Variants in DELE1 observed in about 807,000 individuals in gnomAD.
The protein encoded by DELE1 is death ligand signal enhancer.
A neutral mutation model predicts 59.3 loss-of-function variants in DELE1; 54 were observed. The ratio of observed to expected loss-of-function variants is 0.91; its 90% CI spans 0.73 to 1.14. The LOEUF is 1.14. Ranked by LOEUF, DELE1 falls within the 50% of genes most tolerant of loss-of-function variation. DELE1 has a pLI of 0.00. For synonymous variants in DELE1, 264 were observed against 259.1 expected (o/e 1.02, Z -0.18); for missense variants, 636 against 643.9 (o/e 0.99, Z 0.13).
intron 4 of DELE1, among the ~76,000 whole-genome samples, chr5:141,929,156 A>G (rs756234850): frequency 1.8e-4 from 28 of 152,188 alleles, no homozygotes; most frequent in Non-Finnish European, 8.8e-5. Flanking sequence ...GAAGTGTCAC[A>G]GGAGTTTCAA....
Position 141,940,679 on chromosome 5 carries a change from A to G in DELE1, c.*1920A>G. ...CCTCCTTTTCAGGGCTGCCCTGCAC[A>G]CTGGCTCACCACTGTTGGACCCTGC... On this transcript the variant is annotated 3_prime_UTR_variant, in exon 12 of 12. Transcript: ENST00000432126. 1 of 983,232 alleles carries G rather than the reference A, an allele frequency of 1.0e-6. No homozygotes were observed. The highest frequency in any genetic ancestry group is 1.2e-6 in the Non-Finnish European group (1 of 827,850). The allele number at this position is 983,232 out of a possible 1,614,324, so 60.9% of individuals were successfully genotyped here.
intron 3 of DELE1, 67 bp from the exon 4 acceptor site, chr5:141,928,084 G>A (rs1751563959): frequency 6.5e-7 from 1 of 1,529,690 alleles, no homozygotes; most frequent in Non-Finnish European, 8.8e-7. Context: ...TGATGTTTGA[G>A]AATAAGGCCG....
intron 1 of DELE1, 115 bp from the exon 2 acceptor site, chr5:141,924,466 C>A (rs973061832): frequency 1.1e-5 from 8 of 700,880 alleles, no homozygotes; most frequent in Non-Finnish European, 1.8e-5. Context: ...ACCCTAGAAT[C>A]TGTAGTAGAT....
In DELE1 at chr5:141,940,847, A is replaced by G. The variant is rs982506378; in HGVS notation, c.*2088A>G. ...CTCAGGGTTTTAAGCTGTGCAGTGCACTAAGCTCTCTGCCAAAAAACAAAC... is the reference window on the plus strand; with the variant it reads ...CTCAGGGTTTTAAGCTGTGCAGTGCGCTAAGCTCTCTGCCAAAAAACAAAC... On this transcript the variant is annotated 3_prime_UTR_variant, in exon 12 of 12. Transcript: ENST00000432126. 7.1e-6 allele frequency: 7 copies of G among 985,380 alleles called. No individual in the cohort carries two copies. The highest frequency in any genetic ancestry group is 8.4e-6 in the Non-Finnish European group (7 of 829,968). 61.0% of individuals were successfully genotyped at this position (985,380 alleles called of 1,614,324 possible).
chr5:141,939,943 C>T lies in DELE1; in HGVS notation c.*1184C>T. 1.1e-6 allele frequency: 1 copy of T among 910,084 alleles called. No individual in the cohort carries two copies. Among genetic ancestry groups the T allele is most frequent in the Non-Finnish European group, 1.3e-6 (1 of 761,422 alleles). 56.4% of individuals were successfully genotyped at this position (910,084 alleles called of 1,614,324 possible). ...CGCTGGGCCAGGGTGAGGACCTGGG[C>T]CTCCTGACTCCTGGCCCAGAGTTCT... On this transcript the variant is annotated 3_prime_UTR_variant, in exon 12 of 12. Transcript: ENST00000432126.
rs1186015421 is a variant in DELE1, at chr5:141,941,788, T to C, written c.*3029T>C. On this transcript the variant is annotated 3_prime_UTR_variant, in exon 12 of 12. Transcript: ENST00000432126. ...AATATAGTGTGGGGCACTCAGATGT[T>C]CAGTAAATATACATTCAACAAATAA... is the stretch of plus-strand genomic sequence containing the variant. 7 of 985,246 alleles carry C rather than the reference T, an allele frequency of 7.1e-6. No homozygotes were observed. Among genetic ancestry groups the C allele is most frequent in the Non-Finnish European group, 8.4e-6 (7 of 829,938 alleles). The allele number at this position is 985,246 out of a possible 1,614,324, so 61.0% of individuals were successfully genotyped here. A position where few individuals can be genotyped will look rare whatever the true frequency, so the allele number is the denominator to read the frequency against.
At chr5:141,937,945 C>T (rs1752505291) in intron 11 of DELE1, among the ~76,000 whole-genome samples, 2 of 151,386 alleles carry the variant, frequency 1.3e-5, no homozygotes, top group African/African-American at 2.4e-5. Context: ...CTGCCTCAGC[C>T]TCTCAAGTAG....
At position 141,935,848 on chromosome 5, in the gene DELE1, C is replaced by T. The variant is rs1488384087; in HGVS notation, c.1149+1262C>T. 2.0e-5 allele frequency among the ~76,000 whole-genome samples: 3 copies of T among 152,342 alleles called. No homozygotes were observed. In the East Asian group the frequency reaches 5.8e-4, roughly 29 times the overall value. Reference sequence around the variant, plus strand: ...GACTCAGACCCAACACACTTCCACCCCACAGGGAATTGTGTCTTTCTGGGT... The same window carrying T: ...GACTCAGACCCAACACACTTCCACCTCACAGGGAATTGTGTCTTTCTGGGT... On this transcript the variant is annotated intron_variant, in intron 10 of 11. Transcript: ENST00000432126.
In DELE1 at chr5:141,934,503, T is replaced by G; in HGVS notation, c.1066T>G (p.Phe356Val). The G allele has an allele frequency of 3.7e-6, 6 of 1,614,242 alleles. No individual in the cohort carries two copies. Among genetic ancestry groups the G allele is most frequent in the Non-Finnish European group, 5.1e-6 (6 of 1,180,040 alleles). ...ADSGLREAQA[F>V]LGVLFTKEPY... is the part of the protein sequence containing the mutation. Reference sequence around the variant, plus strand: ...TCCTCCTTGACCACAGGCCCAAGCTTTCCTCGGGGTGCTTTTCACCAAGGA... The same window carrying G: ...TCCTCCTTGACCACAGGCCCAAGCTGTCCTCGGGGTGCTTTTCACCAAGGA... Residue 356 changes from phenylalanine (F) to valine (V), a missense_variant, in exon 10 of 12, where the codon TTC becomes GTC. Coordinates refer to ENST00000432126, the MANE Select transcript of DELE1 (RefSeq NM_014773.5).
intron 3 of DELE1, among the ~76,000 whole-genome samples, chr5:141,926,727 A>G (rs1751454673): frequency 6.6e-6 from 1 of 152,166 alleles, no homozygotes; most frequent in African/African-American, 2.4e-5. Flanking sequence ...CTCTATGGGG[A>G]GCTGTGGACT....
intron 7 of DELE1, among the ~76,000 whole-genome samples, chr5:141,930,484 T>C (rs776190579): frequency 6.6e-6 from 1 of 152,234 alleles, no homozygotes; most frequent in African/African-American, 2.4e-5. Flanking sequence ...AGGCGCAGTT[T>C]GGCAATTCCA....
In DELE1 at chr5:141,941,827, C is replaced by T. The variant is rs1489049217; in HGVS notation, c.*3068C>T. ...TTCAACAAATAAGTGAGTGATTATA[C>T]TCAACTCCCCCCACCCAATGCCCAG... On this transcript the variant is annotated 3_prime_UTR_variant, in exon 12 of 12. Transcript: ENST00000432126. The T allele has an allele frequency of 1.2e-5, 12 of 985,252 alleles. No individual in the cohort carries two copies. Among genetic ancestry groups the T allele is most frequent in the Non-Finnish European group, 2.4e-6 (2 of 829,930 alleles). 61.0% of individuals were successfully genotyped at this position (985,252 alleles called of 1,614,324 possible). A position where few individuals can be genotyped will look rare whatever the true frequency, so the allele number is the denominator to read the frequency against.
intron 4 of DELE1, 72 bp downstream of exon 4, chr5:141,928,370 C>T (rs1751599450): frequency 6.6e-7 from 1 of 1,510,646 alleles, no homozygotes; most frequent in African/African-American, 1.4e-5. Flanking sequence ...TCTCTGGACA[C>T]ACCTCAGGAA....
intron 3 of DELE1, among the ~76,000 whole-genome samples, chr5:141,926,986 C>G (rs896081739): frequency 6.6e-6 from 1 of 152,232 alleles, no homozygotes; most frequent in Non-Finnish European, 1.5e-5. Context: ...GCCCACACGT[C>G]ACCCCCACAG....
In DELE1 at chr5:141,937,356, A is replaced by G; in HGVS notation, c.1308A>G (p.Ala436=). Residue 436 remains alanine (A), a splice_region_variant and synonymous_variant, in exon 11 of 12, where the codon GCA becomes GCG. Coordinates refer to ENST00000432126, the MANE Select transcript of DELE1 (RefSeq NM_014773.5). The part of the protein sequence containing the change: ...RLRALFSMGA[A]APGPSDLTVT... The stretch of plus-strand genomic sequence containing the variant: ...GAGCCCTCTTTTCCATGGGGGCTGC[A>G]GGTACAGACCCAAGTCCAAGCCAAC... 1 of 1,613,904 alleles carries G rather than the reference A, an allele frequency of 6.2e-7. No homozygotes were observed. Among genetic ancestry groups the G allele is most frequent in the African/African-American group, 1.3e-5 (1 of 75,048 alleles).
At chr5:141,931,940 A>G (rs890048095) in intron 7 of DELE1, among the ~76,000 whole-genome samples, 9 of 152,322 alleles carry the variant, frequency 5.9e-5, no homozygotes, top group Admixed American at 1.3e-4. Flanking sequence ...CATAAGCCAT[A>G]ATCATGTTTT....
At chr5:141,925,701 G>A (rs1246160079) in intron 3 of DELE1, among the ~76,000 whole-genome samples, 174 bp downstream of exon 3, 1 of 152,138 alleles carries the variant, frequency 6.6e-6, no homozygotes, top group Non-Finnish European at 1.5e-5. Context: ...CCCCCGCCAT[G>A]TATGTTTTCC....
rs137927996 is a variant in DELE1 at position 141,941,971 on chromosome 5, G to GCA, written c.*3226_*3227dup. ...TCGCCGCCTATACACACGCACACAC[G>GCA]CACACACACACACACGGTTTCCTGT... On this transcript the variant is annotated 3_prime_UTR_variant, in exon 12 of 12. Coordinates refer to ENST00000432126, the MANE Select transcript of DELE1 (RefSeq NM_014773.5). The GCA allele has an allele frequency of 3.4e-3, 3,203 of 948,066 alleles. 61 individuals carry two copies. The African/African-American group carries it at 0.055, about 16-fold the overall frequency. The allele number at this position is 948,066 out of a possible 1,614,324, so 58.7% of individuals were successfully genotyped here.
rs1198687003 is a variant in DELE1, at chr5:141,923,878, G to A, written c.-64G>A. ...TCGGGGCATCGCGGCGGCCTTTCTA[G>A]CCGCTGTCCCAAGGGTTGGTCTCGC... On this transcript the variant is annotated 5_prime_UTR_variant, in exon 1 of 12. Coordinates refer to ENST00000432126, the MANE Select transcript of DELE1 (RefSeq NM_014773.5). 20 of 1,559,434 alleles carry A rather than the reference G, an allele frequency of 1.3e-5. No homozygotes were observed. The East Asian group carries it at 2.4e-4, about 19-fold the overall frequency.
Sources: allele counts gnomAD v4.1 joint callset (sites outside exome capture counted in the v4.1 genomes callset), GRCh38; gene constraint gnomAD v4.1.1; transcripts MANE v1.5; gene names NCBI Gene and HGNC (gene_info 2026-07-23, HGNC 2026-07-21).